Variants in EPHB1 observed in about 807,000 individuals in gnomAD.
The protein encoded by EPHB1 is ephrin type-B receptor 1.
In EPHB1, 30 loss-of-function variants were observed where a neutral mutation model predicts 94.4. The observed-to-expected ratio is 0.32, with a 90% CI of 0.24 to 0.43. The LOEUF (loss-of-function observed/expected upper bound fraction) is 0.43. EPHB1 is among the 20% of genes least tolerant of loss of function. The pLI is 1.00. For missense variants in EPHB1, 1,055 were observed against 1,308.3 expected (o/e 0.81, Z 2.99); for synonymous variants, 522 against 489.1 (o/e 1.07, Z -0.89).
intron 1 of EPHB1, among the ~76,000 whole-genome samples, chr3:134,805,495 C>A (rs1431963374): frequency 6.6e-6 from 1 of 152,148 alleles, no homozygotes; most frequent in Non-Finnish European, 1.5e-5. Context: ...ACCTTCAGGG[C>A]CAATCATTGC....
chr3:134,877,800 C>G (rs1176367641), intron 1 of EPHB1, among the ~76,000 whole-genome samples: 1 of 152,162 alleles, frequency 6.6e-6, no homozygotes, highest in Non-Finnish European at 1.5e-5. Flanking sequence ...GCCCCATAAC[C>G]TGGAGGGCCT....
At chr3:134,843,813 G>A (rs62272434) in intron 1 of EPHB1, among the ~76,000 whole-genome samples, 8,191 of 152,186 alleles carry the variant, frequency 0.054, 347 homozygotes, top group South Asian at 0.2. Flanking sequence ...TTATTTAAAA[G>A]TGGTTTTATT....
chr3:135,048,153 G>A (rs1298328494), intron 3 of EPHB1, among the ~76,000 whole-genome samples: 1 of 151,630 alleles, frequency 6.6e-6, no homozygotes, highest in Non-Finnish European at 1.5e-5. Context: ...GTGCTGGGAA[G>A]GAGGAGGGAA....
intron 3 of EPHB1, among the ~76,000 whole-genome samples, chr3:134,974,858 G>A (rs1318846197): frequency 1.9e-5 from 2 of 106,398 alleles, no homozygotes; most frequent in Non-Finnish European, 3.8e-5. Flanking sequence ...TCCAGCACGG[G>A]AGGGGCTCTC....
At position 135,054,024 on chromosome 3, in the gene EPHB1, C is replaced by CATATATAT. The variant is rs144029421; in HGVS notation, c.806-52414_806-52407dup. ...ATATACATGTGCATATGTGTGTCTG[C>CATATATAT]ATATATATATATATATACACACACA... is the stretch of plus-strand genomic sequence containing the variant. On this transcript the variant is annotated intron_variant, in intron 3 of 15. Coordinates refer to ENST00000398015, the MANE Select transcript of EPHB1 (RefSeq NM_004441.5). Among the ~76,000 whole-genome samples, 204 of 137,392 alleles carry CATATATAT rather than the reference C, an allele frequency of 1.5e-3. 1 individual carries two copies. Among genetic ancestry groups the CATATATAT allele is most frequent in the African/African-American group, 5.5e-3 (197 of 35,534 alleles). The allele number at this position is 137,392 out of a possible 152,430, so 90.1% of individuals were successfully genotyped here.
chr3:135,199,690 A>G (rs978736591), intron 11 of EPHB1, among the ~76,000 whole-genome samples: 12 of 152,234 alleles, frequency 7.9e-5, no homozygotes, highest in Non-Finnish European at 1.5e-5. Flanking sequence ...CCTTCAATTG[A>G]TCAAGGAGCA....
intron 3 of EPHB1, among the ~76,000 whole-genome samples, chr3:135,077,124 A>G (rs1937962763): frequency 1.3e-5 from 2 of 151,300 alleles, no homozygotes; most frequent in Admixed American, 6.6e-5. Context: ...GATAAAAAAG[A>G]AAGAAAGAGA....
intron 4 of EPHB1, among the ~76,000 whole-genome samples, chr3:135,128,393 A>G (rs1940288532): frequency 6.6e-6 from 1 of 152,212 alleles, no homozygotes; most frequent in African/African-American, 2.4e-5. Context: ...GTTTATGCAG[A>G]CGCCAAATCT....
At position 135,259,890 on chromosome 3, in the gene EPHB1, T is replaced by C. The variant is rs1933571467; in HGVS notation, c.*770T>C. ...CTGTGTTATAAAATGACTGTGCTTG[T>C]TCGTAACAGATGCAAACAAGAAAGA... is the stretch of plus-strand genomic sequence containing the variant. On this transcript the variant is annotated 3_prime_UTR_variant, in exon 16 of 16. Coordinates refer to ENST00000398015, the MANE Select transcript of EPHB1 (RefSeq NM_004441.5). 4.4e-6 allele frequency: 1 copy of C among 228,496 alleles called. No homozygotes were observed. Among genetic ancestry groups the C allele is most frequent in the Non-Finnish European group, 8.7e-6 (1 of 114,774 alleles). 14.2% of individuals were successfully genotyped at this position (228,496 alleles called of 1,614,324 possible).
chr3:134,929,327 A>C (rs943016064), intron 2 of EPHB1, among the ~76,000 whole-genome samples: 5 of 152,112 alleles, frequency 3.3e-5, no homozygotes, highest in African/African-American at 1.2e-4. Context: ...TCCAGGTAGC[A>C]GGTGTTGAGA....
chr3:135,239,583 A>G (rs538957837), intron 12 of EPHB1, among the ~76,000 whole-genome samples: 1 of 152,204 alleles, frequency 6.6e-6, no homozygotes, highest in South Asian at 2.1e-4. Flanking sequence ...GGCATGAAAA[A>G]CTGAAAAGGG....
At chr3:135,248,648 A>C in intron 14 of EPHB1, 139 bp downstream of exon 14, 1 of 719,474 alleles carries the variant, frequency 1.4e-6, no homozygotes, top group Non-Finnish European at 2.2e-6. Flanking sequence ...TGAGGAGAGC[A>C]ACATGCATGA....
intron 1 of EPHB1, among the ~76,000 whole-genome samples, chr3:134,829,619 ATTC>A (rs1322682265): frequency 6.6e-6 from 1 of 152,298 alleles, no homozygotes; most frequent in East Asian, 1.9e-4. Flanking sequence ...ACTCCAGTAT[ATTC>A]TTATTAAATA....
chr3:135,220,786 T>C (rs1875372), intron 12 of EPHB1, among the ~76,000 whole-genome samples: 99,690 of 151,924 alleles, frequency 0.66, 33,904 homozygotes, highest in Middle Eastern at 0.76. Context: ...AAAATGCGAA[T>C]TCACAGCCCA....
At chr3:135,143,408 A>G (rs1940895630) in intron 5 of EPHB1, among the ~76,000 whole-genome samples, 1 of 152,052 alleles carries the variant, frequency 6.6e-6, no homozygotes, top group Non-Finnish European at 1.5e-5. Context: ...TCCCCTGCCC[A>G]GCGTTGGTGG....
At chr3:135,084,588 T>C (rs1938279414) in intron 3 of EPHB1, among the ~76,000 whole-genome samples, 1 of 152,118 alleles carries the variant, frequency 6.6e-6, no homozygotes, top group South Asian at 2.1e-4. Context: ...ATCTAACCAT[T>C]CATTTCACAG....
intron 1 of EPHB1, among the ~76,000 whole-genome samples, chr3:134,925,615 A>G (rs2038775008): frequency 1.3e-5 from 2 of 152,160 alleles, no homozygotes; most frequent in South Asian, 2.1e-4. Flanking sequence ...CAACTTTGCC[A>G]TAAGCTGCAT....
At chr3:135,014,342 G>A (rs1286716889) in intron 3 of EPHB1, among the ~76,000 whole-genome samples, 4 of 152,156 alleles carry the variant, frequency 2.6e-5, no homozygotes, top group Non-Finnish European at 1.5e-5. Context: ...GGCCCAGCCC[G>A]ACTTGATTCT....
In EPHB1 at chr3:135,005,482, C is replaced by T. The variant is rs1192100019; in HGVS notation, c.805+53430C>T. On this transcript the variant is annotated intron_variant, in intron 3 of 15. Coordinates refer to ENST00000398015, the MANE Select transcript of EPHB1 (RefSeq NM_004441.5). ...AGGCCTCCTTGAGCTGTGGTGGGCT[C>T]CACCCAGTTAGAGCTTCCTGGCTGC... 9.2e-5 allele frequency among the ~76,000 whole-genome samples: 14 copies of T among 152,214 alleles called. 1 individual carries two copies. Among genetic ancestry groups the T allele is most frequent in the Non-Finnish European group, 1.9e-4 (13 of 68,038 alleles).
Sources: allele counts gnomAD v4.1 joint callset (sites outside exome capture counted in the v4.1 genomes callset), GRCh38; gene constraint gnomAD v4.1.1; transcripts MANE v1.5; gene names NCBI Gene and HGNC (gene_info 2026-07-23, HGNC 2026-07-21).